SEPTIN9: variants seen among roughly 807,000 people sequenced by gnomAD.
SEPTIN9 encodes septin-9.
A neutral mutation model predicts 56.6 loss-of-function variants in SEPTIN9; 13 were observed. The ratio of observed to expected loss-of-function variants is 0.23; its 90% CI spans 0.15 to 0.37. The LOEUF (loss-of-function observed/expected upper bound fraction) is 0.37. SEPTIN9 is among the 10% of genes least tolerant of loss of function. The pLI is 1.00. For synonymous variants in SEPTIN9, 332 were observed against 334.1 expected (o/e 0.99, Z 0.07); for missense variants, 650 against 823.1 (o/e 0.79, Z 2.57).
At chr17:77,482,426 C>T (rs1209888005) in intron 4 of SEPTIN9, 91 bp downstream of exon 4, 2 of 1,337,804 alleles carry the variant, frequency 1.5e-6, no homozygotes, top group African/African-American at 1.4e-5. Flanking sequence ...TTGGTCTTCC[C>T]TTCTGTAAAA....
At chr17:77,296,118 CGG>C (rs2031800225) in intron 1 of SEPTIN9, among the ~76,000 whole-genome samples, 1 of 196 alleles carries the variant, frequency 5.1e-3, no homozygotes, top group African/African-American at 0.019. Flanking sequence ...GGAAAAATGA[CGG>C]AGGACACAGC....
At chr17:77,477,762 A>C (rs936405452) in intron 3 of SEPTIN9, among the ~76,000 whole-genome samples, 2 of 152,204 alleles carry the variant, frequency 1.3e-5, no homozygotes, top group Non-Finnish European at 2.9e-5. Flanking sequence ...TCTGACTCCC[A>C]GCTGCGGAGC....
At chr17:77,378,713 C>T (rs2035026473) in intron 2 of SEPTIN9, among the ~76,000 whole-genome samples, 1 of 152,176 alleles carries the variant, frequency 6.6e-6, no homozygotes, top group African/African-American at 2.4e-5. Flanking sequence ...CCGACAGGTA[C>T]TCAGGCTCCC....
Position 77,310,936 on chromosome 17 carries a change from T to C in SEPTIN9, c.76+3739T>C, listed in dbSNP as rs1216692629. Among the ~76,000 whole-genome samples the C allele has an allele frequency of 1.3e-5, 2 of 152,018 alleles. No homozygotes were observed. The highest frequency in any genetic ancestry group is 6.5e-5 in the Admixed American group (1 of 15,270). On this transcript the variant is annotated intron_variant, in intron 2 of 11. Coordinates refer to ENST00000427177, the MANE Select transcript of SEPTIN9 (RefSeq NM_001113491.2). This position sits in a 1 kb window ranked among gnomAD's most constrained non-coding sequence, Gnocchi z 4.7. ...GGCCTTTTCCCCAGTGCCCCCATCATCCCTTCTGTCCTAGGTTGAACCGTG... is the reference window on the plus strand; with the variant it reads ...GGCCTTTTCCCCAGTGCCCCCATCACCCCTTCTGTCCTAGGTTGAACCGTG...
intron 2 of SEPTIN9, among the ~76,000 whole-genome samples, chr17:77,372,860 G>A (rs1405262840): frequency 6.6e-6 from 1 of 152,264 alleles, no homozygotes; most frequent in East Asian, 1.9e-4. Context: ...GATCCTGCCT[G>A]CCAGCCGCGT....
chr17:77,439,878 G>C (rs1299050414), intron 3 of SEPTIN9, among the ~76,000 whole-genome samples: 1 of 152,204 alleles, frequency 6.6e-6, no homozygotes, highest in Non-Finnish European at 1.5e-5. Context: ...GCCTTGCCGA[G>C]TGCTGCCAAA....
intron 2 of SEPTIN9, among the ~76,000 whole-genome samples, chr17:77,393,541 C>T (rs455095): frequency 0.15 from 22,243 of 152,090 alleles, 4,710 homozygotes; most frequent in African/African-American, 0.47. Context: ...GCAACAGTCA[C>T]CCCTGCCGCG....
In SEPTIN9 at chr17:77,475,369, C is replaced by A; in HGVS notation, c.722-6775C>A. On this transcript the variant is annotated intron_variant, in intron 3 of 11. Coordinates refer to ENST00000427177, the MANE Select transcript of SEPTIN9 (RefSeq NM_001113491.2). This position sits in a 1 kb window ranked among gnomAD's most constrained non-coding sequence, Gnocchi z 4.6. ...GCAGGGATCTGAAGGACTTTGCAGGCACCCAGGGAGATAGGAGAGGAGGAG... is the reference window on the plus strand; with the variant it reads ...GCAGGGATCTGAAGGACTTTGCAGGAACCCAGGGAGATAGGAGAGGAGGAG... 13 of 1,439,182 alleles carry A rather than the reference C, an allele frequency of 9.0e-6. No homozygotes were observed. The highest frequency in any genetic ancestry group is 1.2e-5 in the Non-Finnish European group (13 of 1,102,650). 89.2% of individuals were successfully genotyped at this position (1,439,182 alleles called of 1,614,324 possible). A position where few individuals can be genotyped will look rare whatever the true frequency, so the allele number is the denominator to read the frequency against.
At chr17:77,461,238 G>A (rs547226110) in intron 3 of SEPTIN9, among the ~76,000 whole-genome samples, 5 of 151,360 alleles carry the variant, frequency 3.3e-5, no homozygotes, top group African/African-American at 7.3e-5. Flanking sequence ...TCCAGGAGGC[G>A]GAGGTTGCAG....
intron 2 of SEPTIN9, among the ~76,000 whole-genome samples, chr17:77,355,620 G>A (rs1004371769): frequency 2.6e-5 from 4 of 152,100 alleles, no homozygotes; most frequent in African/African-American, 9.7e-5. Context: ...CATGCACCGT[G>A]GCTGCCGCAT....
chr17:77,492,830 C>A lies in SEPTIN9; in HGVS notation c.1476+114C>A. ...AAATTATATTCTTGGGGCCAGAGGG[C>A]ACTGAGCCCAGGTGTCTGTACCCAG... is the stretch of plus-strand genomic sequence containing the variant. On this transcript the variant is annotated intron_variant, in intron 9 of 11. Coordinates refer to ENST00000427177, the MANE Select transcript of SEPTIN9 (RefSeq NM_001113491.2). This position sits in a 1 kb window ranked among gnomAD's most constrained non-coding sequence, Gnocchi z 5.4. 1.6e-6 allele frequency: 2 copies of A among 1,228,000 alleles called. No homozygotes were observed. Among genetic ancestry groups the A allele is most frequent in the Non-Finnish European group, 2.4e-6 (2 of 833,150 alleles). 76.1% of individuals were successfully genotyped at this position (1,228,000 alleles called of 1,614,324 possible).
rs1349439334 is a variant in SEPTIN9, at chr17:77,329,549, A to G, written c.76+22352A>G. Among the ~76,000 whole-genome samples the G allele has an allele frequency of 6.6e-6, 1 of 152,150 alleles. No individual in the cohort carries two copies. Among genetic ancestry groups the G allele is most frequent in the Non-Finnish European group, 1.5e-5 (1 of 68,006 alleles). On this transcript the variant is annotated intron_variant, in intron 2 of 11. Transcript: ENST00000427177. This position sits in a 1 kb window ranked among gnomAD's most constrained non-coding sequence, Gnocchi z 4.3. Reference sequence around the variant, plus strand: ...GTTGGGTACCTGGCAGCCTCAAGGCAGGAGCTGGGGTGTTGGAGGAGGAAG... The same window carrying G: ...GTTGGGTACCTGGCAGCCTCAAGGCGGGAGCTGGGGTGTTGGAGGAGGAAG...
chr17:77,373,748 C>G (rs889876707), intron 2 of SEPTIN9: 1 of 1,106,462 alleles, frequency 9.0e-7, no homozygotes, highest in Admixed American at 3.7e-5. Context: ...GTGGGGGACC[C>G]TGTTAGGGGC....
At position 77,369,092 on chromosome 17, in the gene SEPTIN9, G is replaced by A. The variant is rs1394028311; in HGVS notation, c.77-32967G>A. 6.6e-6 allele frequency among the ~76,000 whole-genome samples: 1 copy of A among 152,174 alleles called. No individual in the cohort carries two copies. The highest frequency in any genetic ancestry group is 1.5e-5 in the Non-Finnish European group (1 of 68,034). The stretch of plus-strand genomic sequence containing the variant: ...CTAGTAAAAATACAAAAATTAGCCA[G>A]GAGTGGTGGCGGGTGCCTGTAATCC... On this transcript the variant is annotated intron_variant, in intron 2 of 11. Coordinates refer to ENST00000427177, the MANE Select transcript of SEPTIN9 (RefSeq NM_001113491.2). The surrounding 1 kb of genome is among the most constrained non-coding windows in gnomAD (Gnocchi z 4.9).
intron 2 of SEPTIN9, among the ~76,000 whole-genome samples, chr17:77,398,033 G>A (rs2035781887): frequency 6.6e-6 from 1 of 151,246 alleles, no homozygotes; most frequent in Non-Finnish European, 1.5e-5. Flanking sequence ...GAGTGTAGTG[G>A]TGTGATCATG....
At chr17:77,322,551 T>A (rs1417984700) in intron 2 of SEPTIN9, 1 of 152,262 alleles carries the variant, frequency 6.6e-6, no homozygotes, top group Non-Finnish European at 1.5e-5. Context: ...TTAGCGCTGG[T>A]CTTTAATTGT....
chr17:77,420,307 C>G (rs1005955756), intron 3 of SEPTIN9, among the ~76,000 whole-genome samples: 1 of 152,218 alleles, frequency 6.6e-6, no homozygotes, highest in Non-Finnish European at 1.5e-5. Flanking sequence ...CATGTTCAGT[C>G]CAGCAGGAAG....
At chr17:77,484,606 G>GATT (rs2039615001) in intron 4 of SEPTIN9, among the ~76,000 whole-genome samples, 1 of 148,112 alleles carries the variant, frequency 6.8e-6, no homozygotes, top group Admixed American at 6.7e-5. Flanking sequence ...TGATGGTGGT[G>GATT]GTGATGGTGG....
intron 2 of SEPTIN9, among the ~76,000 whole-genome samples, chr17:77,322,180 G>A (rs1043229895): frequency 6.6e-6 from 1 of 152,222 alleles, no homozygotes; most frequent in African/African-American, 2.4e-5. Flanking sequence ...GCAGAGAGGC[G>A]TGGGTTTGGG....
Sources: gnomAD v4.1 joint callset for allele counts (sites outside exome capture counted in the v4.1 genomes callset) on GRCh38, gnomAD v4.1.1 for gene constraint, Gnocchi (gnomAD v3.1) non-coding constraint, MANE v1.5 for transcripts, NCBI Gene and HGNC (gene_info 2026-07-23, HGNC 2026-07-21) for gene names.